Variants in KDM4C observed in about 807,000 individuals in gnomAD.
KDM4C encodes lysine demethylase 4C.
A neutral mutation model predicts 129.3 loss-of-function variants in KDM4C; 81 were observed. The observed-to-expected ratio is 0.63, with a 90% CI of 0.52 to 0.75. KDM4C has a LOEUF of 0.75. Ranked by LOEUF, KDM4C falls within the 30% of genes least tolerant of loss-of-function variation. KDM4C has a pLI of 0.00. For synonymous variants in KDM4C, 573 were observed against 456.1 expected (o/e 1.26, Z -3.26); for missense variants, 1,457 against 1,304.0 (o/e 1.12, Z -1.81).
At chr9:6,723,865 C>G (rs886303109) in intron 1 of KDM4C, 7 of 152,094 alleles carry the variant, frequency 4.6e-5, no homozygotes, top group African/African-American at 1.7e-4. Flanking sequence ...ATTTAGTGAA[C>G]AGTTCACATA....
intron 17 of KDM4C, among the ~76,000 whole-genome samples, chr9:7,057,277 T>C (rs1830991630): frequency 6.6e-6 from 1 of 152,262 alleles, no homozygotes; most frequent in South Asian, 2.1e-4. Context: ...GTGAAGTCTT[T>C]ATCTAACATG....
chr9:6,806,502 T>C (rs377442472), intron 3 of KDM4C, among the ~76,000 whole-genome samples: 2 of 113,532 alleles, frequency 1.8e-5, no homozygotes. Flanking sequence ...CTCGAAAAAA[T>C]AAATAAATAA....
intron 19 of KDM4C, among the ~76,000 whole-genome samples, chr9:7,161,390 A>G (rs1032130613): frequency 2.0e-5 from 3 of 152,180 alleles, no homozygotes; most frequent in African/African-American, 7.2e-5. Flanking sequence ...TTGGAAATGC[A>G]GAGATCACCC....
chr9:7,075,590 C>G (rs1233260758), intron 17 of KDM4C, among the ~76,000 whole-genome samples: 1 of 152,168 alleles, frequency 6.6e-6, no homozygotes, highest in Non-Finnish European at 1.5e-5. Context: ...CTTCTGCTTT[C>G]CACAGTGAGT....
At chr9:6,848,441 C>CA (rs757192137) in intron 4 of KDM4C, among the ~76,000 whole-genome samples, 3 of 152,068 alleles carry the variant, frequency 2.0e-5, no homozygotes, top group Non-Finnish European at 4.4e-5. Context: ...CCGAGGTGGG[C>CA]AGGTCACTTG....
At chr9:7,007,862 A>G (rs1048626427) in intron 12 of KDM4C, among the ~76,000 whole-genome samples, 1 of 152,228 alleles carries the variant, frequency 6.6e-6, no homozygotes, top group Non-Finnish European at 1.5e-5. Context: ...ATTTATTTTC[A>G]TAAAAAATAA....
At chr9:6,790,594 C>T (rs985800349) in intron 1 of KDM4C, among the ~76,000 whole-genome samples, 1 of 136,922 alleles carries the variant, frequency 7.3e-6, no homozygotes, top group African/African-American at 2.8e-5. Context: ...CATGACGTTT[C>T]ACCCTTTTAT....
chr9:6,971,711 A>G lies in KDM4C; in HGVS notation c.922-9214A>G, dbSNP rs559871607. Among the ~76,000 whole-genome samples the G allele has an allele frequency of 7.9e-5, 12 of 152,326 alleles. No homozygotes were observed. The South Asian group carries it at 2.5e-3, about 32-fold the overall frequency. On this transcript the variant is annotated intron_variant, in intron 8 of 21. Coordinates refer to ENST00000381309, the MANE Select transcript of KDM4C (RefSeq NM_015061.6). Reference sequence around the variant, plus strand: ...TTTATGACATGTTTCATATTAATTAAGGCAGACTTCCCCCATGTAGTAATG... The same window carrying G: ...TTTATGACATGTTTCATATTAATTAGGGCAGACTTCCCCCATGTAGTAATG...
chr9:6,869,847 T>G (rs1842595338), intron 5 of KDM4C, among the ~76,000 whole-genome samples: 1 of 152,274 alleles, frequency 6.6e-6, no homozygotes. Flanking sequence ...GTTCATCTGT[T>G]TTTAAGAACT....
chr9:7,046,977 T>C (rs997771119), intron 16 of KDM4C, 60 bp downstream of exon 16: 13 of 1,220,046 alleles, frequency 1.1e-5, no homozygotes, highest in Non-Finnish European at 1.5e-5. Flanking sequence ...TCTAGAACCT[T>C]TGGATGACAG....
At chr9:6,728,376 G>A (rs2918175) in intron 1 of KDM4C, among the ~76,000 whole-genome samples, 90,195 of 151,252 alleles carry the variant, frequency 0.6, 27,572 homozygotes, top group African/African-American at 0.75. Flanking sequence ...TTTACTAAAA[G>A]TACAAAAATT....
At chr9:6,886,336 T>G (rs75780606) in intron 6 of KDM4C, among the ~76,000 whole-genome samples, 1 of 151,766 alleles carries the variant, frequency 6.6e-6, no homozygotes, top group Non-Finnish European at 1.5e-5. Context: ...TTTTTTTTTT[T>G]GGAGTCTCTC....
At chr9:7,002,375 G>A (rs1041812907) in intron 12 of KDM4C, among the ~76,000 whole-genome samples, 1 of 152,094 alleles carries the variant, frequency 6.6e-6, no homozygotes, top group Admixed American at 6.5e-5. Flanking sequence ...ATGGTGTTAC[G>A]TTTTATTAGT....
intron 19 of KDM4C, among the ~76,000 whole-genome samples, chr9:7,149,548 C>G (rs1174645203): frequency 6.6e-6 from 1 of 152,252 alleles, no homozygotes; most frequent in African/African-American, 2.4e-5. Flanking sequence ...CTTGGCCATG[C>G]CTCCCTCGCT....
chr9:7,130,150 A>C (rs1840459104), intron 19 of KDM4C, among the ~76,000 whole-genome samples: 1 of 152,202 alleles, frequency 6.6e-6, no homozygotes, highest in African/African-American at 2.4e-5. Context: ...GAAGACTGTG[A>C]ATATTGAGCT....
At chr9:6,884,030 A>C (rs1181403040) in intron 6 of KDM4C, among the ~76,000 whole-genome samples, 1 of 152,188 alleles carries the variant, frequency 6.6e-6, no homozygotes, top group Non-Finnish European at 1.5e-5. Flanking sequence ...TGCCCATTAC[A>C]CAACGCGCAC....
chr9:7,033,868 C>T (rs927545056), intron 15 of KDM4C, among the ~76,000 whole-genome samples: 1 of 152,132 alleles, frequency 6.6e-6, no homozygotes, highest in Admixed American at 6.5e-5. Flanking sequence ...CTGTGCTTGC[C>T]TGGAGGTCAC....
At chr9:6,756,855 G>T (rs1416691969), upstream of KDM4C, among the ~76,000 whole-genome samples, 2 of 152,176 alleles carry the variant, frequency 1.3e-5, no homozygotes, top group African/African-American at 4.8e-5. Flanking sequence ...AGTGAGAAAC[G>T]AGTTCAAGCG....
At chr9:7,088,212 C>A (rs1471159662) in intron 17 of KDM4C, among the ~76,000 whole-genome samples, 2 of 152,172 alleles carry the variant, frequency 1.3e-5, no homozygotes, top group African/African-American at 2.4e-5. Context: ...CTCGGAAGGA[C>A]CCTTAAAGTG....
Sources: allele counts gnomAD v4.1 joint callset (sites outside exome capture counted in the v4.1 genomes callset), GRCh38; gene constraint gnomAD v4.1.1; transcripts MANE v1.5; gene names NCBI Gene and HGNC (gene_info 2026-07-23, HGNC 2026-07-21).